Variants in GOLPH3 observed in about 807,000 individuals in gnomAD.
GOLPH3 encodes golgi phosphoprotein 3.
In GOLPH3, 14 loss-of-function variants were observed where a neutral mutation model predicts 28.5. The observed-to-expected ratio is 0.49, with a 90% confidence interval of 0.32 to 0.77. The LOEUF (loss-of-function observed/expected upper bound fraction) is 0.77, where lower values mean the gene tolerates loss of function less well. Among genes scored for constraint, GOLPH3 ranks in the 30% least tolerant of loss-of-function variants. GOLPH3 has a pLI of 0.03. For missense variants in GOLPH3, 350 were observed against 393.7 expected (o/e 0.89, Z 0.94); for synonymous variants, 158 against 159.2 (o/e 0.99, Z 0.06).
intron 1 of GOLPH3, among the ~76,000 whole-genome samples, chr5:32,146,979 T>C (rs1292030702): frequency 1.3e-5 from 2 of 152,256 alleles, no homozygotes; most frequent in African/African-American, 2.4e-5. Flanking sequence ...TTCAAAGCCG[T>C]AGGCCACCTG....
chr5:32,142,028 C>G (rs1199329491), intron 2 of GOLPH3, among the ~76,000 whole-genome samples: 2 of 152,210 alleles, frequency 1.3e-5, no homozygotes, highest in South Asian at 4.1e-4. Context: ...GCCGCCACCC[C>G]GTCTGGGAAG....
chr5:32,128,308 T>C (rs566244352), intron 3 of GOLPH3, among the ~76,000 whole-genome samples: 12 of 152,218 alleles, frequency 7.9e-5, no homozygotes, highest in African/African-American at 2.4e-4. Context: ...ATTCACATCT[T>C]AGTAGTAGGG....
At chr5:32,129,847 C>T (rs1427069278) in intron 3 of GOLPH3, among the ~76,000 whole-genome samples, 1 of 145,968 alleles carries the variant, frequency 6.9e-6, no homozygotes, top group Non-Finnish European at 1.5e-5. Flanking sequence ...AACTTCCACC[C>T]TTTTTTTTTT....
chr5:32,140,896 T>A (rs1335330343), intron 2 of GOLPH3, among the ~76,000 whole-genome samples: 1 of 151,648 alleles, frequency 6.6e-6, no homozygotes, highest in Non-Finnish European at 1.5e-5. Flanking sequence ...GCATGATAGC[T>A]CACGCCTGTA....
intron 3 of GOLPH3, among the ~76,000 whole-genome samples, chr5:32,129,693 G>C (rs961615331): frequency 6.6e-6 from 1 of 152,148 alleles, no homozygotes; most frequent in Non-Finnish European, 1.5e-5. Context: ...GAATCTTCAA[G>C]CTAAATCTCG....
At chr5:32,152,347 G>T (rs1746325712) in intron 1 of GOLPH3, among the ~76,000 whole-genome samples, 1 of 149,466 alleles carries the variant, frequency 6.7e-6, no homozygotes, top group African/African-American at 2.5e-5. Flanking sequence ...AGCTGGTCTC[G>T]AACTCCTGAC....
intron 1 of GOLPH3, among the ~76,000 whole-genome samples, chr5:32,157,093 C>T (rs1297959683): frequency 6.6e-6 from 1 of 152,154 alleles, no homozygotes; most frequent in Non-Finnish European, 1.5e-5. Context: ...AAGTAACAGC[C>T]AGGGCCCTCA....
intron 3 of GOLPH3, among the ~76,000 whole-genome samples, chr5:32,132,123 TACAGCC>T (rs1745838056): frequency 6.6e-6 from 1 of 152,172 alleles, no homozygotes; most frequent in African/African-American, 2.4e-5. Context: ...ACCACTGCAC[TACAGCC>T]TGGGTGATGG....
At chr5:32,163,308 TTAA>T (rs1185198434) in intron 1 of GOLPH3, among the ~76,000 whole-genome samples, 1 of 152,196 alleles carries the variant, frequency 6.6e-6, no homozygotes, top group Non-Finnish European at 1.5e-5. Context: ...CAGGATAAAG[TTAA>T]TAATTCACTT....
intron 2 of GOLPH3, among the ~76,000 whole-genome samples, chr5:32,135,923 G>A (rs377642253): frequency 6.6e-6 from 1 of 152,156 alleles, no homozygotes; most frequent in Non-Finnish European, 1.5e-5. Context: ...GCTCATGCCT[G>A]AATCCCAGGG....
At chr5:32,154,857 G>A (rs1048081301) in intron 1 of GOLPH3, among the ~76,000 whole-genome samples, 1 of 152,150 alleles carries the variant, frequency 6.6e-6, no homozygotes, top group African/African-American at 2.4e-5. Flanking sequence ...GGCCAAGGCG[G>A]GCAGATCACG....
intron 2 of GOLPH3, among the ~76,000 whole-genome samples, chr5:32,137,309 T>C (rs1745957632): frequency 6.6e-6 from 1 of 152,058 alleles, no homozygotes. Context: ...CTTAAAGAAA[T>C]TATCAATAGC....
rs184657214 is a variant in GOLPH3, at chr5:32,149,061, C to A, written c.226-5181G>T. Among the ~76,000 whole-genome samples the A allele has an allele frequency of 5.7e-4, 87 of 152,326 alleles. 1 individual carries two copies. In the East Asian group the frequency reaches 0.014, roughly 25 times the overall value. ...CAAATTAAGTCTCCCTCCTGAGTAT[C>A]TGAACTTGCCATACTGAATCAGTTA... On this transcript the variant is annotated intron_variant, in intron 1 of 3. Coordinates refer to ENST00000265070, the MANE Select transcript of GOLPH3 (RefSeq NM_022130.4).
intron 3 of GOLPH3, among the ~76,000 whole-genome samples, chr5:32,129,435 T>G (rs1268739133): frequency 1.3e-5 from 2 of 152,212 alleles, no homozygotes; most frequent in East Asian, 3.8e-4. Context: ...TTTATAGTAT[T>G]TATAATGTTC....
Position 32,126,231 on chromosome 5 carries a change from A to G in GOLPH3, c.878T>C (p.Val293Ala), listed in dbSNP as rs760560885. 2 of 1,610,242 alleles carry G rather than the reference A, an allele frequency of 1.2e-6. No homozygotes were observed. The highest frequency in any genetic ancestry group is 1.7e-5 in the Admixed American group (1 of 59,948). The change falls in exon 4 of 4, where the codon GTG becomes GCG. Residue 293 changes from valine to alanine, a missense_variant. Transcript: ENST00000265070. Reference sequence around the variant, plus strand: ...GCAGAGTTACTTGGTGAACGCCGCCACCACCGCCCACAGAACCTCATTGGT... The same window carrying G: ...GCAGAGTTACTTGGTGAACGCCGCCGCCACCGCCCACAGAACCTCATTGGT... ...ANTNEVLWAV[V>A]AAFTK is the part of the protein sequence containing the mutation.
chr5:32,149,074 A>G (rs553294959), intron 1 of GOLPH3, among the ~76,000 whole-genome samples: 1 of 152,342 alleles, frequency 6.6e-6, no homozygotes, highest in East Asian at 1.9e-4. Context: ...AACTTGCCAT[A>G]CTGAATCAGT....
chr5:32,145,374 G>A (rs1165186390), intron 1 of GOLPH3, among the ~76,000 whole-genome samples: 2 of 152,176 alleles, frequency 1.3e-5, no homozygotes, highest in East Asian at 3.9e-4. Flanking sequence ...GATTACCAGA[G>A]ATTTAGCAAA....
intron 1 of GOLPH3, among the ~76,000 whole-genome samples, chr5:32,158,225 A>G (rs1746499445): frequency 6.6e-6 from 1 of 151,832 alleles, no homozygotes; most frequent in Non-Finnish European, 1.5e-5. Context: ...CATATCAGAT[A>G]TTTCAAAACC....
intron 2 of GOLPH3, among the ~76,000 whole-genome samples, chr5:32,142,420 C>T (rs1460477983): frequency 7.9e-5 from 12 of 151,254 alleles, no homozygotes; most frequent in Admixed American, 1.3e-4. Flanking sequence ...GCCACCCCGT[C>T]CGGGAAGTGA....
Sources: gnomAD v4.1 joint callset for allele counts (sites outside exome capture counted in the v4.1 genomes callset) on GRCh38, gnomAD v4.1.1 for gene constraint, MANE v1.5 for transcripts, NCBI Gene and HGNC (gene_info 2026-07-23, HGNC 2026-07-21) for gene names.